The following IFT70A variants were observed in gnomAD, a reference collection of about 807,000 sequenced individuals.
IFT70A encodes intraflagellar transport 70A, also known as intraflagellar transport protein 70A.
At chr2:177,618,498 A>C in the IFT70A span, 1 of 1,587,980 alleles carries the variant, frequency 6.3e-7, no homozygotes, top group Non-Finnish European at 8.6e-7. Context: ...CCAGCTGCTC[A>C]TAGCACTCGG....
the IFT70A span, chr2:177,615,698 T>C: frequency 6.6e-6 from 1 of 152,170 alleles, no homozygotes; most frequent in Non-Finnish European, 1.5e-5. Flanking sequence ...AGGCAACTTT[T>C]TTCTATGTGG....
At chr2:177,617,702 C>G in the IFT70A span, 2 of 1,614,158 alleles carry the variant, frequency 1.2e-6, no homozygotes, top group Non-Finnish European at 1.7e-6. Context: ...TCAAAATACT[C>G]ATATTTACAG....
chr2:177,613,342 CAA>C, the IFT70A span: 2 of 152,192 alleles, frequency 1.3e-5, no homozygotes, highest in Admixed American at 1.3e-4. Flanking sequence ...TATTTTTCAG[CAA>C]AGTGTTGCTG....
chr2:177,616,993 C>T, the IFT70A span: 1 of 1,613,176 alleles, frequency 6.2e-7, no homozygotes, highest in Non-Finnish European at 8.5e-7. Context: ...AGGCTCCAAG[C>T]TTTTGATAAC....
At chr2:177,616,068 A>G in the IFT70A span, 1 of 152,208 alleles carries the variant, frequency 6.6e-6, no homozygotes, top group African/African-American at 2.4e-5. Context: ...TATGAAAAAA[A>G]ATTTTGTCAC....
At chr2:177,614,683 A>C in the IFT70A span, 14 of 152,320 alleles carry the variant, frequency 9.2e-5, no homozygotes, top group African/African-American at 3.4e-4. Flanking sequence ...ACTTCCAGCT[A>C]TCAGAGAAAA....
chr2:177,614,570 T>A, the IFT70A span: 1 of 152,186 alleles, frequency 6.6e-6, no homozygotes, highest in Non-Finnish European at 1.5e-5. Context: ...AAAAATGCAT[T>A]TTTAAAAGGT....
At chr2:177,615,700 T>C in the IFT70A span, 2 of 152,154 alleles carry the variant, frequency 1.3e-5, no homozygotes, top group African/African-American at 2.4e-5. Flanking sequence ...GCAACTTTTT[T>C]CTATGTGGCT....
chr2:177,616,134 T>TAG, the IFT70A span: 1 of 152,256 alleles, frequency 6.6e-6, no homozygotes, highest in Admixed American at 6.5e-5. Context: ...ATTATACTTG[T>TAG]ACTTCTAAAA....
At chr2:177,618,626 G>A in the IFT70A span, 3 of 1,609,776 alleles carry the variant, frequency 1.9e-6, no homozygotes, top group African/African-American at 1.3e-5. Context: ...TCGGCGTAGC[G>A]GGCATCGCGG....
chr2:177,616,678 T>C, the IFT70A span: 1 of 1,462,156 alleles, frequency 6.8e-7, no homozygotes, highest in Non-Finnish European at 9.0e-7. Flanking sequence ...GAAAGCCATT[T>C]TGAAAAAAGC....
the IFT70A span, chr2:177,613,897 CAT>C: frequency 3.3e-5 from 5 of 152,170 alleles, no homozygotes; most frequent in African/African-American, 1.2e-4. Flanking sequence ...TATATGTTCA[CAT>C]GATATTAATA....
chr2:177,614,894 C>T, the IFT70A span: 2 of 152,340 alleles, frequency 1.3e-5, no homozygotes, highest in African/African-American at 2.4e-5. Context: ...GATTGCCTTC[C>T]TATTCTATGT....
At chr2:177,617,575 A>G in the IFT70A span, 6 of 1,614,112 alleles carry the variant, frequency 3.7e-6, no homozygotes, top group Admixed American at 3.3e-5. Flanking sequence ...AAGCTTAATG[A>G]AAGCCTCTTC....
the IFT70A span, chr2:177,616,755 C>A: frequency 6.4e-7 from 1 of 1,565,342 alleles, no homozygotes; most frequent in South Asian, 1.2e-5. Context: ...ATTGTCTGGA[C>A]TCATCTGTGA....
the IFT70A span, chr2:177,613,299 T>C: frequency 6.6e-6 from 1 of 152,214 alleles, no homozygotes; most frequent in Non-Finnish European, 1.5e-5. Flanking sequence ...CTCCTTAGCA[T>C]ATGTGAGTAT....
At chr2:177,615,137 T>G in the IFT70A span, 3 of 152,238 alleles carry the variant, frequency 2.0e-5, no homozygotes, top group Non-Finnish European at 4.4e-5. Flanking sequence ...CATCATTAGC[T>G]AAATCTCCAT....
chr2:177,617,846 C>G, the IFT70A span: 1 of 1,614,222 alleles, frequency 6.2e-7, no homozygotes, highest in South Asian at 1.1e-5. Context: ...GTCACAGGGT[C>G]CAACTCTTCC....
At chr2:177,617,489 C>G in the IFT70A span, 5 of 1,614,138 alleles carry the variant, frequency 3.1e-6, no homozygotes, top group Non-Finnish European at 4.2e-6. Flanking sequence ...GCTTCATCAT[C>G]TCTGTTGTGT....
Sources: allele counts gnomAD v4.1 joint callset, GRCh38; gene constraint gnomAD v4.1.1; transcripts MANE v1.5; gene names NCBI Gene and HGNC (gene_info 2026-07-23, HGNC 2026-07-21).